The following CD86 variants were observed in gnomAD, a reference collection of about 807,000 sequenced individuals.
The protein encoded by CD86 is CD86 molecule.
CD86 carries 11 observed loss-of-function variants against 32.1 expected under a neutral mutation model. The observed-to-expected ratio is 0.34, with a 90% CI of 0.22 to 0.57. CD86 has a LOEUF of 0.57. Among genes scored for constraint, CD86 ranks in the 20% least tolerant of loss-of-function variants. The pLI, the probability that CD86 is intolerant of heterozygous loss-of-function variation, is 0.86. For missense variants in CD86, 359 were observed against 398.4 expected (o/e 0.90, Z 0.84); for synonymous variants, 137 against 135.3 (o/e 1.01, Z -0.09).
chr3:122,099,083 G>A (rs2072955271), intron 2 of CD86, among the ~76,000 whole-genome samples: 1 of 152,104 alleles, frequency 6.6e-6, no homozygotes, highest in Non-Finnish European at 1.5e-5. Context: ...TGGGGCTAGA[G>A]GAGAAAAACC....
At chr3:122,112,869 G>A (rs576217740) in intron 5 of CD86, among the ~76,000 whole-genome samples, 1 of 151,860 alleles carries the variant, frequency 6.6e-6, no homozygotes, top group Admixed American at 6.6e-5. Flanking sequence ...TAGTTTTTTG[G>A]GAACTACTGA....
intron 1 of CD86, among the ~76,000 whole-genome samples, chr3:122,056,624 G>A (rs2072242151): frequency 6.6e-6 from 1 of 152,126 alleles, no homozygotes; most frequent in Admixed American, 6.5e-5. Flanking sequence ...GAGCCACCGC[G>A]CACCCGGCCG....
At chr3:122,081,506 T>C (rs976352736) in intron 1 of CD86, among the ~76,000 whole-genome samples, 2 of 152,212 alleles carry the variant, frequency 1.3e-5, no homozygotes, top group African/African-American at 4.8e-5. Context: ...ATCAGGAATC[T>C]GTCTAGGGAA....
At chr3:122,067,452 T>C (rs2107504095) in intron 1 of CD86, among the ~76,000 whole-genome samples, 1 of 152,268 alleles carries the variant, frequency 6.6e-6, no homozygotes, top group East Asian at 1.9e-4. Flanking sequence ...AAATCCAAGG[T>C]ATGAAAATGG....
At chr3:122,108,379 T>C (rs2073123415) in intron 4 of CD86, among the ~76,000 whole-genome samples, 1 of 152,214 alleles carries the variant, frequency 6.6e-6, no homozygotes, top group Admixed American at 6.5e-5. Context: ...TCAAGTGGAA[T>C]AGACTGGGAC....
In CD86 at chr3:122,102,193, G is replaced by T. The variant is rs192517547; in HGVS notation, c.65-1319G>T. ...ATCAATTTAATTACTCCCCCACTTA[G>T]AACTCTTCAAATGAAGCTCCTCTCA... On this transcript the variant is annotated intron_variant, in intron 2 of 6. Transcript: ENST00000330540. Among the ~76,000 whole-genome samples the T allele has an allele frequency of 4.6e-5, 7 of 152,000 alleles. No individual in the cohort carries two copies. In the East Asian group the frequency reaches 7.7e-4, roughly 17 times the overall value.
intron 5 of CD86, among the ~76,000 whole-genome samples, chr3:122,110,838 T>C (rs2073161114): frequency 6.6e-6 from 1 of 152,224 alleles, no homozygotes; most frequent in South Asian, 2.1e-4. Flanking sequence ...TAGTCAAATA[T>C]GAAGAAGTGA....
chr3:122,066,626 A>C (rs1175285912), intron 1 of CD86, among the ~76,000 whole-genome samples: 1 of 152,208 alleles, frequency 6.6e-6, no homozygotes, highest in African/African-American at 2.4e-5. Context: ...GAAGTAATGC[A>C]TTTAAAATAC....
chr3:122,101,142 G>C (rs2072992839), intron 2 of CD86, among the ~76,000 whole-genome samples: 1 of 151,998 alleles, frequency 6.6e-6, no homozygotes, highest in African/African-American at 2.4e-5. Flanking sequence ...TCTGAGGAGG[G>C]ATGGATGGAA....
intron 2 of CD86, chr3:122,092,081 CCCTT>C (rs1157298074): frequency 6.3e-6 from 1 of 158,926 alleles, no homozygotes; most frequent in East Asian, 1.8e-4. Context: ...CCAAAAGTCT[CCCTT>C]CATTCGGAGC....
At chr3:122,067,159 T>C (rs555733612) in intron 1 of CD86, among the ~76,000 whole-genome samples, 1 of 152,298 alleles carries the variant, frequency 6.6e-6, no homozygotes, top group East Asian at 1.9e-4. Context: ...GGTTGGGTGA[T>C]AAAATCAGAA....
chr3:122,109,640 A>C (rs1375778118), intron 5 of CD86, among the ~76,000 whole-genome samples: 3 of 152,262 alleles, frequency 2.0e-5, no homozygotes, highest in Non-Finnish European at 4.4e-5. Context: ...TTACAAATGT[A>C]CTTCTGGTTT....
chr3:122,093,931 G>A lies in CD86; in HGVS notation c.64+2281G>A, dbSNP rs2072867591. On this transcript the variant is annotated intron_variant, in intron 2 of 6. Coordinates refer to ENST00000330540, the MANE Select transcript of CD86 (RefSeq NM_175862.5). The stretch of plus-strand genomic sequence containing the variant: ...ATGTAGATTTAGCATTCGTTCACTT[G>A]ACTCTTCTCCTAACTCTTGTGGTAA... Among the ~76,000 whole-genome samples the A allele has an allele frequency of 2.6e-5, 4 of 152,308 alleles. No individual in the cohort carries two copies. In the South Asian group the frequency reaches 8.3e-4, roughly 32 times the overall value.
At chr3:122,078,750 A>C (rs1241767981) in intron 1 of CD86, among the ~76,000 whole-genome samples, 1 of 152,246 alleles carries the variant, frequency 6.6e-6, no homozygotes, top group Non-Finnish European at 1.5e-5. Context: ...ATAGCAATTT[A>C]AGGTTCTGGA....
At chr3:122,079,435 G>T (rs1318815347) in intron 1 of CD86, among the ~76,000 whole-genome samples, 1 of 152,192 alleles carries the variant, frequency 6.6e-6, no homozygotes, top group Non-Finnish European at 1.5e-5. Context: ...GGGAGTTGAG[G>T]TTAGGGGTCC....
intron 1 of CD86, among the ~76,000 whole-genome samples, chr3:122,086,209 C>A (rs1213771269): frequency 2.6e-5 from 4 of 152,186 alleles, no homozygotes; most frequent in Non-Finnish European, 5.9e-5. Context: ...TGAAAGACTA[C>A]CTCAATAAAT....
In CD86 at chr3:122,057,448, T is replaced by C. The variant is rs150405755; in HGVS notation, c.14+1945T>C. 5.5e-3 allele frequency among the ~76,000 whole-genome samples: 841 copies of C among 152,318 alleles called. 7 individuals are homozygous for C. The highest frequency in any genetic ancestry group is 0.019 in the African/African-American group (801 of 41,584). ...ACTGTAGAACAATTCATAATGTGTT[T>C]AGTTAAAGGGGAAAAATGCAGAACG... On this transcript the variant is annotated intron_variant, in intron 1 of 6. Coordinates refer to ENST00000330540, the MANE Select transcript of CD86 (RefSeq NM_175862.5).
At chr3:122,106,557 G>C (rs565979311) in intron 4 of CD86, 57 bp downstream of exon 4, 1 of 1,439,064 alleles carries the variant, frequency 6.9e-7, no homozygotes, top group East Asian at 2.3e-5. Context: ...AAATGCTTAA[G>C]GCAGATCATC....
chr3:122,116,402 C>T (rs2073251514), intron 5 of CD86, among the ~76,000 whole-genome samples: 1 of 152,086 alleles, frequency 6.6e-6, no homozygotes, highest in South Asian at 2.1e-4. Flanking sequence ...CATCATTAGT[C>T]ATCAGGGAAG....
Sources: gnomAD v4.1 joint callset for allele counts (sites outside exome capture counted in the v4.1 genomes callset) on GRCh38, gnomAD v4.1.1 for gene constraint, MANE v1.5 for transcripts, NCBI Gene and HGNC (gene_info 2026-07-23, HGNC 2026-07-21) for gene names.